WDSUB1: variants seen among roughly 807,000 people sequenced by gnomAD.
The protein encoded by WDSUB1 is WD repeat, SAM and U-box domain-containing protein 1.
A neutral mutation model predicts 53.9 loss-of-function variants in WDSUB1; 49 were observed. The observed-to-expected ratio is 0.91, with a 90% CI of 0.72 to 1.15. The LOEUF (loss-of-function observed/expected upper bound fraction) is 1.15. Ranked by LOEUF, WDSUB1 falls within the 50% of genes most tolerant of loss-of-function variation. The pLI, the probability that WDSUB1 is intolerant of heterozygous loss-of-function variation, is 0.00. For missense variants in WDSUB1, 514 were observed against 562.0 expected, an observed-to-expected ratio of 0.91 and a Z score of 0.86; for synonymous variants, 194 against 200.6, an observed-to-expected ratio of 0.97 and a Z score of 0.28.
chr2:159,248,456 C>A lies in WDSUB1; in HGVS notation c.1189G>T (p.Val397Phe). 2 of 1,601,670 alleles carry A rather than the reference C, an allele frequency of 1.2e-6. No individual in the cohort carries two copies. Among genetic ancestry groups the A allele is most frequent in the South Asian group, 1.1e-5 (1 of 88,320 alleles). Residue 397 changes from valine to phenylalanine, a missense_variant, in exon 10 of 11, where the codon GTT (valine) becomes TTT (phenylalanine). By Grantham distance (50) the Val-to-Phe change is conservative. Coordinates refer to ENST00000359774, the MANE Select transcript of WDSUB1 (RefSeq NM_001128212.3). Reference sequence around the variant, plus strand: ...GGAATTCCTGAAGAAAGGGATTTAACCTTGGTCCTGAGCTCTTCAATTTTC... The same window carrying A: ...GGAATTCCTGAAGAAAGGGATTTAAACTTGGTCCTGAGCTCTTCAATTTTC... ...LRKIEELRTK[V>F]KSLSSGIPDE...
chr2:159,256,250 C>CAA lies in WDSUB1; in HGVS notation c.1077_1078insTT (p.Gly360LeufsTer6). ...TTTGTAAGATTCAACAGTTCTTTTC[C>CAA]ATCAATGTTATTCATCTTGAAAATA... On this transcript the variant is annotated frameshift_variant, in exon 9 of 11. Coordinates refer to ENST00000359774, the MANE Select transcript of WDSUB1 (RefSeq NM_001128212.3). LOFTEE classifies it high-confidence loss of function. 1 of 1,610,120 alleles carries CAA rather than the reference C, an allele frequency of 6.2e-7. No homozygotes were observed. Among genetic ancestry groups the CAA allele is most frequent in the Non-Finnish European group, 8.5e-7 (1 of 1,178,918 alleles).
At chr2:159,255,476 T>TA (rs1326773020) in intron 9 of WDSUB1, among the ~76,000 whole-genome samples, 8 of 149,834 alleles carry the variant, frequency 5.3e-5, no homozygotes, top group African/African-American at 2.0e-4. Flanking sequence ...CAAAAATAAA[T>TA]AAATAAAATA....
chr2:159,270,427 T>C (rs1459758762), intron 5 of WDSUB1, among the ~76,000 whole-genome samples: 2 of 136,518 alleles, frequency 1.5e-5, no homozygotes, highest in African/African-American at 2.4e-5. Flanking sequence ...AAAATGTCAA[T>C]AGCTAGGAAT....
intron 9 of WDSUB1, among the ~76,000 whole-genome samples, chr2:159,250,021 G>A (rs1012411624): frequency 1.1e-4 from 16 of 150,730 alleles, no homozygotes; most frequent in Non-Finnish European, 1.9e-4. Context: ...CCCAGGAGGC[G>A]GAGGTTGCAG....
intron 5 of WDSUB1, 53 bp from the exon 6 acceptor site, chr2:159,259,896 A>C (rs1022169445): frequency 1.4e-6 from 2 of 1,406,352 alleles, no homozygotes; most frequent in Non-Finnish European, 1.9e-6. Context: ...AAAGTACAGC[A>C]TTTATGTAAT....
At chr2:159,239,192 A>AGG (rs964308614) in intron 10 of WDSUB1, among the ~76,000 whole-genome samples, 1 of 152,028 alleles carries the variant, frequency 6.6e-6, no homozygotes, top group African/African-American at 2.4e-5. Context: ...TTTGTAGAGA[A>AGG]GGGGGTCTCA....
intron 9 of WDSUB1, among the ~76,000 whole-genome samples, chr2:159,252,810 T>C (rs1216373313): frequency 6.6e-6 from 1 of 152,194 alleles, no homozygotes; most frequent in Admixed American, 6.5e-5. Context: ...TAGAAAATGA[T>C]AAAAATGTCT....
At position 159,282,833 on chromosome 2, in the gene WDSUB1, G is replaced by C. The variant is rs1284993638; in HGVS notation, c.237C>G (p.Val79=). ...TCTGTCCATTTTCAGTATTCCATAG[G>C]ACAGTGGTACCATCTGTTGAACACG... ...LASCSTDGTT[V]LWNTENGQML... The change falls in exon 2 of 11, where the codon GTC becomes GTG. Residue 79 remains valine, a synonymous_variant. Transcript: ENST00000359774. 1 of 1,614,204 alleles carries C rather than the reference G, an allele frequency of 6.2e-7. No individual in the cohort carries two copies. The highest frequency in any genetic ancestry group is 1.1e-5 in the South Asian group (1 of 91,086).
intron 10 of WDSUB1, among the ~76,000 whole-genome samples, chr2:159,237,718 T>C (rs2060521882): frequency 6.6e-6 from 1 of 152,208 alleles, no homozygotes; most frequent in Non-Finnish European, 1.5e-5. Context: ...CAACTTGGTG[T>C]GTTTATTTTC....
intron 1 of WDSUB1, among the ~76,000 whole-genome samples, chr2:159,283,635 G>A (rs2061724975): frequency 1.7e-5 from 1 of 58,388 alleles, no homozygotes; most frequent in Non-Finnish European, 6.0e-5. Context: ...TTCACAGGAT[G>A]GAGCCAAGGC....
At chr2:159,255,008 T>C (rs564814362) in intron 9 of WDSUB1, among the ~76,000 whole-genome samples, 2 of 152,210 alleles carry the variant, frequency 1.3e-5, no homozygotes, top group East Asian at 1.9e-4. Context: ...CATGTGCATG[T>C]GGTCCCAATT....
Position 159,282,795 on chromosome 2 carries a change from A to C in WDSUB1, c.275T>G (p.Met92Arg), listed in dbSNP as rs765068662. Residue 92 changes from methionine to arginine, a missense_variant, in exon 2 of 11, where the codon ATG becomes AGG. By Grantham distance (91) the Met-to-Arg change is moderately conservative. Coordinates refer to ENST00000359774, the MANE Select transcript of WDSUB1 (RefSeq NM_001128212.3). ...NTENGQMLAV[M>R]EQPSGSPVRV... ...CACAGGGCTGCCACTAGGCTGTTCC[A>C]TCACTGCCAGCATCTGTCCATTTTC... 1.8e-5 allele frequency: 29 copies of C among 1,614,110 alleles called. No individual in the cohort carries two copies. In the East Asian group the frequency reaches 6.5e-4, roughly 36 times the overall value.
At chr2:159,261,714 C>A (rs930723632) in intron 5 of WDSUB1, among the ~76,000 whole-genome samples, 3 of 151,268 alleles carry the variant, frequency 2.0e-5, no homozygotes, top group East Asian at 1.9e-4. Flanking sequence ...CACACACACA[C>A]AAAAATACTT....
chr2:159,284,213 T>G (rs2061739390), intron 1 of WDSUB1, among the ~76,000 whole-genome samples: 1 of 152,236 alleles, frequency 6.6e-6, no homozygotes, highest in Non-Finnish European at 1.5e-5. Flanking sequence ...ACAACCACCG[T>G]TGTCATACCA....
chr2:159,237,536 T>TA (rs1020317599), intron 10 of WDSUB1, among the ~76,000 whole-genome samples: 18 of 151,932 alleles, frequency 1.2e-4, no homozygotes, highest in African/African-American at 4.4e-4. Context: ...AAAAAAAAGT[T>TA]ACAACTATAA....
chr2:159,258,173 C>T (rs1307610118), intron 6 of WDSUB1, among the ~76,000 whole-genome samples, 188 bp from the exon 7 acceptor site: 1 of 152,176 alleles, frequency 6.6e-6, no homozygotes, highest in Non-Finnish European at 1.5e-5. Context: ...CAGGTACTTA[C>T]TTCACTTTTT....
At chr2:159,261,691 T>C (rs1354964031) in intron 5 of WDSUB1, among the ~76,000 whole-genome samples, 3 of 151,398 alleles carry the variant, frequency 2.0e-5, no homozygotes, top group Middle Eastern at 3.4e-3. Context: ...GGACATCAAT[T>C]TGAAAAAGTA....
intron 9 of WDSUB1, among the ~76,000 whole-genome samples, chr2:159,249,129 T>A (rs1291494258): frequency 2.0e-5 from 3 of 152,232 alleles, no homozygotes; most frequent in Non-Finnish European, 4.4e-5. Flanking sequence ...AAAAGGCTCA[T>A]TACTGCTTAC....
chr2:159,235,980 T>A lies in WDSUB1; in HGVS notation c.*53A>T. ...ATAATGTCTGATTAGTATTTACCTA[T>A]AAATCATTCAAATGAGATCACTGAA... On this transcript the variant is annotated 3_prime_UTR_variant, in exon 11 of 11. Transcript: ENST00000359774. 2 of 1,501,472 alleles carry A rather than the reference T, an allele frequency of 1.3e-6. No homozygotes were observed. The highest frequency in any genetic ancestry group is 1.8e-6 in the Non-Finnish European group (2 of 1,120,006). The allele number at this position is 1,501,472 out of a possible 1,614,324, so 93.0% of individuals were successfully genotyped here. A position where few individuals can be genotyped will look rare whatever the true frequency, so the allele number is the denominator to read the frequency against.
Sources: gnomAD v4.1 joint callset for allele counts (sites outside exome capture counted in the v4.1 genomes callset) on GRCh38, gnomAD v4.1.1 for gene constraint, MANE v1.5 for transcripts, NCBI Gene and HGNC (gene_info 2026-07-23, HGNC 2026-07-21) for gene names.